RNF213: variants seen among roughly 807,000 people sequenced by gnomAD.
RNF213 encodes ring finger protein 213.
A neutral mutation model predicts 514.4 loss-of-function variants in RNF213; 341 were observed. The observed-to-expected ratio is 0.66, with a 90% CI of 0.61 to 0.73. The LOEUF (loss-of-function observed/expected upper bound fraction) is 0.73, where lower values mean the gene tolerates loss of function less well. Ranked by LOEUF, RNF213 falls within the 30% of genes least tolerant of loss-of-function variation. The pLI, the probability that RNF213 is intolerant of heterozygous loss-of-function variation, is 0.00. For missense variants in RNF213, 5,767 were observed against 6,615.6 expected (o/e 0.87, Z 4.45); for synonymous variants, 2,655 against 2,658.2 (o/e 1.00, Z 0.04).
At position 80,294,916 on chromosome 17, in the gene RNF213, C is replaced by T. The variant is rs146798784; in HGVS notation, c.1668C>T (p.Phe556=). The T allele has an allele frequency of 2.7e-4, 438 of 1,614,192 alleles. 1 individual carries two copies. Among genetic ancestry groups the T allele is most frequent in the African/African-American group, 1.2e-3 (93 of 75,038 alleles). Residue 556 remains phenylalanine, a synonymous_variant, in exon 9 of 68, where the codon TTC becomes TTT. Coordinates refer to ENST00000582970, the MANE Select transcript of RNF213 (RefSeq NM_001256071.3). ...TINLNSFFTQ[F]EQFCFVLQQP... is the part of the protein sequence containing the mutation. Reference sequence around the variant, plus strand: ...ACCTGAACAGCTTCTTCACCCAGTTCGAGCAGTTTTGCTTTGTCCTGCAAC... The same window carrying T: ...ACCTGAACAGCTTCTTCACCCAGTTTGAGCAGTTTTGCTTTGTCCTGCAAC...
intron 47 of RNF213, 72 bp from the exon 48 acceptor site, chr17:80,372,449 C>T (rs772653818): frequency 8.3e-6 from 9 of 1,079,012 alleles, no homozygotes; most frequent in Admixed American, 3.9e-5. Flanking sequence ...GTCACATTGG[C>T]GACTGTAGAA....
At chr17:80,303,175 G>A (rs535172187) in intron 11 of RNF213, among the ~76,000 whole-genome samples, 9 of 152,208 alleles carry the variant, frequency 5.9e-5, no homozygotes, top group Admixed American at 2.0e-4. Flanking sequence ...GAGGCAGGCA[G>A]TTAATACATC....
intron 59 of RNF213, among the ~76,000 whole-genome samples, chr17:80,384,543 T>C (rs1468390720): frequency 7.2e-5 from 11 of 152,216 alleles, no homozygotes; most frequent in Admixed American, 7.2e-4. Flanking sequence ...AAACTTCTGT[T>C]GGTCAGTTGA....
At chr17:80,325,937 G>GTATT (rs144887674) in intron 18 of RNF213, among the ~76,000 whole-genome samples, 5,695 of 147,402 alleles carry the variant, frequency 0.039, 118 homozygotes, top group Non-Finnish European at 0.044. Flanking sequence ...TGTGTTATTT[G>GTATT]TATTTATTTA....
Position 80,317,221 on chromosome 17 carries a change from G to A in RNF213, c.2845G>A (p.Ala949Thr), listed in dbSNP as rs377487562. 2.5e-5 allele frequency: 41 copies of A among 1,612,726 alleles called. No homozygotes were observed. The Admixed American group carries it at 3.0e-4, about 12-fold the overall frequency. ...GCGGCTGGTGGAAATCCAATTCCCCGCGGAGCATGGCTGGAAGGAGTCGTT... is the reference window on the plus strand; with the variant it reads ...GCGGCTGGTGGAAATCCAATTCCCCACGGAGCATGGCTGGAAGGAGTCGTT... Reference protein sequence around the residue: ...WRRLVEIQFPAEHGWKESLLG... With the variant: ...WRRLVEIQFPTEHGWKESLLG... Residue 949 changes from alanine to threonine, a missense_variant, in exon 16 of 68, where the codon GCG (alanine) becomes ACG (threonine). By Grantham distance (58) the Ala-to-Thr change is moderately conservative. Around this residue, in one of 13 missense-constraint regions of RNF213, gnomAD observed 592 missense variants for 673.9 expected, o/e 0.88. Coordinates refer to ENST00000582970, the MANE Select transcript of RNF213 (RefSeq NM_001256071.3). This position sits in a 1 kb window ranked among gnomAD's most constrained non-coding sequence, Gnocchi z 4.1.
intron 23 of RNF213, 164 bp from the exon 24 acceptor site, chr17:80,337,422 C>A: frequency 1.2e-6 from 1 of 803,832 alleles, no homozygotes; most frequent in Non-Finnish European, 1.9e-6. Flanking sequence ...AGGGTGGCAC[C>A]TGGTCCAGCT....
At position 80,290,496 on chromosome 17, in the gene RNF213, T is replaced by C. The variant is rs540826147; in HGVS notation, c.1113-74T>C. ...ACGTGTGTGTGCGCACGTGTGTGTG[T>C]GCGCGTGTGTGCATGCACATGGCAG... On this transcript the variant is annotated intron_variant, in intron 6 of 67. Coordinates refer to ENST00000582970, the MANE Select transcript of RNF213 (RefSeq NM_001256071.3). 1.3e-3 allele frequency: 2,000 copies of C among 1,568,922 alleles called. 11 individuals are homozygous for C. The highest frequency in any genetic ancestry group is 7.3e-3 in the African/African-American group (540 of 74,010).
Position 80,285,745 on chromosome 17 carries a change from A to G in RNF213, c.262-2070A>G, listed in dbSNP as rs554220750. Among the ~76,000 whole-genome samples the G allele has an allele frequency of 2.0e-3, 304 of 149,788 alleles. 1 individual carries two copies. The highest frequency in any genetic ancestry group is 6.9e-3 in the African/African-American group (281 of 40,508). On this transcript the variant is annotated intron_variant, in intron 3 of 67. Coordinates refer to ENST00000582970, the MANE Select transcript of RNF213 (RefSeq NM_001256071.3). ...GAGTGCAGTTGCGTAATATCGGCTG[A>G]CCGCAGCCTCTGCCTCCCGGGTTCA...
rs769374568 is a variant in RNF213 at position 80,377,825 on chromosome 17, G to A, written c.13545+29G>A. 1 of 1,613,908 alleles carries A rather than the reference G, an allele frequency of 6.2e-7. No homozygotes were observed. Among genetic ancestry groups the A allele is most frequent in the South Asian group, 1.1e-5 (1 of 91,082 alleles). On this transcript the variant is annotated intron_variant, in intron 54 of 67. Transcript: ENST00000582970. The surrounding 1 kb of genome is among the most constrained non-coding windows in gnomAD (Gnocchi z 4.1). ...AGTCTTGGTATTTAAGATAGGGTTT[G>A]AGGGGTGGCGTGCACTCCTGGGTTG...
At chr17:80,383,566 G>A (rs1236842728) in intron 58 of RNF213, 111 bp from the exon 59 acceptor site, 2 of 1,107,080 alleles carry the variant, frequency 1.8e-6, no homozygotes, top group African/African-American at 3.1e-5. Flanking sequence ...CTCAGAGCAG[G>A]GGACAAACGC....
In RNF213 at chr17:80,265,052, T is replaced by G. The variant is rs542235974; in HGVS notation, c.97+1274T>G. ...TCCTTCCATGTTTGTTTGTTTTTTT[T>G]TTTTTTTTTAGAGGGAGTTTTTTTG... On this transcript the variant is annotated intron_variant, in intron 2 of 67. Coordinates refer to ENST00000582970, the MANE Select transcript of RNF213 (RefSeq NM_001256071.3). 4.5e-3 allele frequency among the ~76,000 whole-genome samples: 679 copies of G among 149,596 alleles called. 8 individuals are homozygous for G. The highest frequency in any genetic ancestry group is 0.016 in the African/African-American group (636 of 39,740).
chr17:80,359,606 AAGAG>A (rs146478822), intron 37 of RNF213, among the ~76,000 whole-genome samples: 53,644 of 148,328 alleles, frequency 0.36, 10,233 homozygotes, highest in Non-Finnish European at 0.42. Context: ...GAGCGAGAGA[AAGAG>A]AGAAAGAAAG....
At chr17:80,291,074 A>G (rs2044708855) in intron 7 of RNF213, among the ~76,000 whole-genome samples, 1 of 152,088 alleles carries the variant, frequency 6.6e-6, no homozygotes, top group Non-Finnish European at 1.5e-5. Flanking sequence ...GGCCTCCCAA[A>G]GTGCTGGGAT....
chr17:80,328,139 G>C, intron 19 of RNF213, 150 bp downstream of exon 19: 1 of 1,163,110 alleles, frequency 8.6e-7, no homozygotes, highest in Non-Finnish European at 1.2e-6. Context: ...TGATAGGGGT[G>C]GTTTATAATT....
intron 23 of RNF213, 76 bp from the exon 24 acceptor site, chr17:80,337,510 A>G (rs958953167): frequency 6.6e-7 from 1 of 1,503,860 alleles, no homozygotes; most frequent in Non-Finnish European, 8.9e-7. Flanking sequence ...CAGAGGCGGG[A>G]GGCCGACCAC....
Position 80,339,866 on chromosome 17 carries a change from C to G in RNF213, c.5499C>G (p.Val1833=), listed in dbSNP as rs780838001. The G allele has an allele frequency of 2.9e-5, 45 of 1,536,980 alleles. No homozygotes were observed. Among genetic ancestry groups the G allele is most frequent in the Non-Finnish European group, 3.9e-5 (45 of 1,146,824 alleles). Reference sequence around the variant, plus strand: ...TGCAGGTCGGCCAGCCCAACCTCGTCGTCTGTGGCCACTCCGAGGTGTTGC... The same window carrying G: ...TGCAGGTCGGCCAGCCCAACCTCGTGGTCTGTGGCCACTCCGAGGTGTTGC... ...RGLQVGQPNL[V]VCGHSEVLPA... The change falls in exon 26 of 68, where the codon GTC becomes GTG. Residue 1833 remains valine (V), a synonymous_variant. Coordinates refer to ENST00000582970, the MANE Select transcript of RNF213 (RefSeq NM_001256071.3).
rs878951957 is a variant in RNF213 at position 80,273,211 on chromosome 17, A to T, written c.98-30A>T. ...TTCCTAACACTCGCTTCTCTCTGAG[A>T]TCTGACCCTTCCTTCATCTGCCGTT... On this transcript the variant is annotated intron_variant, in intron 2 of 67. Coordinates refer to ENST00000582970, the MANE Select transcript of RNF213 (RefSeq NM_001256071.3). 3.7e-6 allele frequency: 6 copies of T among 1,612,742 alleles called. No homozygotes were observed. The Admixed American group carries it at 1.0e-4, about 27-fold the overall frequency.
Position 80,325,023 on chromosome 17 carries a change from C to T in RNF213, c.3025-7C>T. The T allele has an allele frequency of 6.5e-7, 1 of 1,536,214 alleles. No homozygotes were observed. The highest frequency in any genetic ancestry group is 8.7e-7 in the Non-Finnish European group (1 of 1,146,430). On this transcript the variant is annotated splice_region_variant and splice_polypyrimidine_tract_variant and intron_variant, in intron 17 of 67. Coordinates refer to ENST00000582970, the MANE Select transcript of RNF213 (RefSeq NM_001256071.3). ...TAAATGTCCCTCTTTTATTAATTTTCTTGTAGTCTCAGACCAGTATCCTTC... is the reference window on the plus strand; with the variant it reads ...TAAATGTCCCTCTTTTATTAATTTTTTTGTAGTCTCAGACCAGTATCCTTC...
Position 80,336,278 on chromosome 17 carries a change from T to C in RNF213, c.4427T>C (p.Leu1476Pro). The part of the protein sequence containing the change: ...HDAVQGYASL[L>P]FKLDPSVDFS... ...GCTGTGCAGGGCTACGCATCCCTGCTATTTAAGCTGGACCCCAGCGTGGAC... is the reference window on the plus strand; with the variant it reads ...GCTGTGCAGGGCTACGCATCCCTGCCATTTAAGCTGGACCCCAGCGTGGAC... Residue 1476 changes from leucine (L) to proline (P), a missense_variant, in exon 23 of 68, where the codon CTA becomes CCA. Physicochemically the swap from Leu to Pro is moderately conservative, Grantham distance 98. Around this residue, in one of 13 missense-constraint regions of RNF213, gnomAD observed 1,377 missense variants for 1,635.2 expected, o/e 0.84. Transcript: ENST00000582970. 6.5e-7 allele frequency: 1 copy of C among 1,537,268 alleles called. No individual in the cohort carries two copies. The highest frequency in any genetic ancestry group is 8.7e-7 in the Non-Finnish European group (1 of 1,146,908).
Sources: gnomAD v4.1 joint callset for allele counts (sites outside exome capture counted in the v4.1 genomes callset) on GRCh38, gnomAD v4.1.1 for gene constraint, gnomAD v4.1.1 regional missense constraint, Gnocchi (gnomAD v3.1) non-coding constraint, MANE v1.5 for transcripts, NCBI Gene and HGNC (gene_info 2026-07-23, HGNC 2026-07-21) for gene names.